Variants in NRXN3 observed in about 807,000 individuals in gnomAD.
The protein encoded by NRXN3 is neurexin 3.
NRXN3 carries 32 observed loss-of-function variants against 137.6 expected under a neutral mutation model. The observed-to-expected ratio is 0.23, with a 90% CI of 0.18 to 0.31. The LOEUF is 0.31. Among genes scored for constraint, NRXN3 ranks in the 10% least tolerant of loss-of-function variants. The pLI is 1.00. For missense variants in NRXN3, 1,574 were observed against 2,062.5 expected, an observed-to-expected ratio of 0.76 and a Z score of 4.59; for synonymous variants, 798 against 784.5, an observed-to-expected ratio of 1.02 and a Z score of -0.29.
At chr14:79,509,051 C>T (rs1050095112) in intron 16 of NRXN3, among the ~76,000 whole-genome samples, 3 of 151,884 alleles carry the variant, frequency 2.0e-5, no homozygotes, top group African/African-American at 2.4e-5. Flanking sequence ...AAAAATTAGC[C>T]GGTTCTGGTG....
At chr14:78,366,767 C>G (rs2153612353) in intron 4 of NRXN3, among the ~76,000 whole-genome samples, 1 of 152,318 alleles carries the variant, frequency 6.6e-6, no homozygotes, top group African/African-American at 2.4e-5. Context: ...AGACCCACCT[C>G]CATGATTCAA....
intron 15 of NRXN3, among the ~76,000 whole-genome samples, chr14:79,380,308 T>C (rs1183391129): frequency 3.3e-5 from 5 of 151,930 alleles, no homozygotes; most frequent in African/African-American, 1.2e-4. Context: ...TAACTCGTCA[T>C]TTAGCATTAG....
intron 19 of NRXN3, among the ~76,000 whole-genome samples, chr14:79,802,844 T>C (rs1483509340): frequency 2.7e-5 from 4 of 149,698 alleles, no homozygotes; most frequent in African/African-American, 1.0e-4. Context: ...AAATGAACAA[T>C]TCAGTAGTGT....
intron 19 of NRXN3, among the ~76,000 whole-genome samples, chr14:79,715,178 C>T (rs1251962878): frequency 1.3e-5 from 2 of 152,142 alleles, no homozygotes; most frequent in African/African-American, 2.4e-5. Flanking sequence ...TGGTCTCGAT[C>T]TCCTGACCTC....
At chr14:78,990,326 T>A (rs936903076) in intron 15 of NRXN3, among the ~76,000 whole-genome samples, 1 of 150,640 alleles carries the variant, frequency 6.6e-6, no homozygotes, top group Non-Finnish European at 1.5e-5. Context: ...ATTGGATAGA[T>A]ACATAGATAC....
chr14:79,418,678 T>C (rs1032944141), intron 15 of NRXN3, among the ~76,000 whole-genome samples: 3 of 152,166 alleles, frequency 2.0e-5, no homozygotes, highest in Non-Finnish European at 4.4e-5. Context: ...AATCAGAGCC[T>C]ATACTCTTAA....
intron 10 of NRXN3, among the ~76,000 whole-genome samples, chr14:78,944,639 G>C (rs1050987343): frequency 2.0e-5 from 3 of 152,172 alleles, no homozygotes; most frequent in Non-Finnish European, 2.9e-5. Flanking sequence ...TGTAAGCCAA[G>C]GAATATCAAG....
At chr14:79,783,824 T>C (rs2099121327) in intron 19 of NRXN3, among the ~76,000 whole-genome samples, 1 of 152,192 alleles carries the variant, frequency 6.6e-6, no homozygotes, top group South Asian at 2.1e-4. Context: ...TCCTAATTCC[T>C]CTTCTTCATT....
chr14:79,284,261 G>C (rs964662772), intron 15 of NRXN3, among the ~76,000 whole-genome samples: 1 of 147,410 alleles, frequency 6.8e-6, no homozygotes, highest in African/African-American at 2.5e-5. Flanking sequence ...ACTTTGGGAG[G>C]CCGAGGTGGG....
intron 15 of NRXN3, among the ~76,000 whole-genome samples, chr14:78,989,763 C>T (rs1007131922): frequency 6.6e-6 from 1 of 152,170 alleles, no homozygotes; most frequent in African/African-American, 2.4e-5. Context: ...GCTTCTTTAT[C>T]CTCACAAGTT....
chr14:79,240,788 A>G (rs2074151931), intron 15 of NRXN3, among the ~76,000 whole-genome samples: 1 of 152,150 alleles, frequency 6.6e-6, no homozygotes, highest in Admixed American at 6.5e-5. Context: ...AGGTGTTGGA[A>G]TTATTTGCAA....
chr14:79,367,045 G>A (rs773565447), intron 15 of NRXN3, among the ~76,000 whole-genome samples: 9 of 146,260 alleles, frequency 6.2e-5, no homozygotes, highest in East Asian at 2.0e-4. Flanking sequence ...GTGCAGTGGC[G>A]CATTCTTGGC....
intron 15 of NRXN3, among the ~76,000 whole-genome samples, chr14:79,306,639 C>T (rs2086116004): frequency 6.6e-6 from 1 of 152,076 alleles, no homozygotes; most frequent in Admixed American, 6.6e-5. Flanking sequence ...TTCACAGCCC[C>T]TGCTGCCTGC....
intron 8 of NRXN3, among the ~76,000 whole-genome samples, chr14:78,740,151 A>G (rs1329201611): frequency 6.6e-6 from 1 of 152,202 alleles, no homozygotes; most frequent in Non-Finnish European, 1.5e-5. Flanking sequence ...TTAAACTCTC[A>G]GAGCCCTAGT....
chr14:79,779,952 C>T (rs1433016580), intron 19 of NRXN3, among the ~76,000 whole-genome samples: 1 of 152,034 alleles, frequency 6.6e-6, no homozygotes, highest in Non-Finnish European at 1.5e-5. Context: ...GCAACTTCCG[C>T]CTCCTAGGCT....
intron 15 of NRXN3, among the ~76,000 whole-genome samples, chr14:79,448,896 A>C (rs999048698): frequency 2.6e-5 from 4 of 152,228 alleles, no homozygotes; most frequent in Admixed American, 6.5e-5. Flanking sequence ...AAAGTGAATG[A>C]AGTGAGGGAA....
chr14:78,252,306 TG>T (rs1317714463), intron 2 of NRXN3, among the ~76,000 whole-genome samples: 1 of 152,052 alleles, frequency 6.6e-6, no homozygotes, highest in African/African-American at 2.4e-5. Context: ...TTTGGCTCTT[TG>T]GGGGAAAAAC....
intron 15 of NRXN3, among the ~76,000 whole-genome samples, chr14:79,221,550 CT>C (rs1400401663): frequency 2.6e-5 from 4 of 152,152 alleles, no homozygotes; most frequent in African/African-American, 4.8e-5. Context: ...TAAATGTCTT[CT>C]TTTGAGAAGT....
intron 8 of NRXN3, among the ~76,000 whole-genome samples, chr14:78,791,379 C>T (rs1340585534): frequency 6.6e-6 from 1 of 152,022 alleles, no homozygotes; most frequent in Non-Finnish European, 1.5e-5. Flanking sequence ...GGGTACAACC[C>T]AATGTCATAA....
Sources: allele counts gnomAD v4.1 joint callset (sites outside exome capture counted in the v4.1 genomes callset), GRCh38; gene constraint gnomAD v4.1.1; transcripts MANE v1.5; gene names NCBI Gene and HGNC (gene_info 2026-07-23, HGNC 2026-07-21).